Variants in DENND4C observed in about 807,000 individuals in gnomAD.
The protein encoded by DENND4C is DENN domain containing 4C.
Under a neutral mutation model 203.0 loss-of-function variants are expected in DENND4C, and 108 were observed. That is an observed-to-expected ratio of 0.53 (90% CI 0.46 to 0.62). DENND4C has a LOEUF of 0.62. DENND4C is among the 20% of genes least tolerant of loss of function. DENND4C has a pLI of 0.00. For missense variants in DENND4C, 2,481 were observed against 2,301.2 expected (o/e 1.08, Z -1.60); for synonymous variants, 871 against 792.4 (o/e 1.10, Z -1.67).
intron 5 of DENND4C, among the ~76,000 whole-genome samples, chr9:19,294,430 T>C (rs972601483): frequency 6.6e-6 from 1 of 152,172 alleles, no homozygotes; most frequent in African/African-American, 2.4e-5. Flanking sequence ...CCTGTCAACA[T>C]TGCTGATGAG....
At chr9:19,307,433 A>T (rs1381405096) in intron 10 of DENND4C, among the ~76,000 whole-genome samples, 7 of 150,436 alleles carry the variant, frequency 4.7e-5, no homozygotes, top group South Asian at 2.1e-4. Context: ...CCTCCAAATT[A>T]TACAGAATAA....
At position 19,346,277 on chromosome 9, in the gene DENND4C, C is replaced by A. The variant is rs139458624; in HGVS notation, c.3508C>A (p.Pro1170Thr). 2 of 1,614,152 alleles carry A rather than the reference C, an allele frequency of 1.2e-6. No individual in the cohort carries two copies. Among genetic ancestry groups the A allele is most frequent in the Admixed American group, 1.7e-5 (1 of 60,018 alleles). The change falls in exon 23 of 33, where the codon CCT becomes ACT. Residue 1170 changes from proline (P) to threonine (T), a missense_variant. Physicochemically the swap from Pro to Thr is conservative, Grantham distance 38. Transcript: ENST00000434457. ...RTCMSESTWNPEHRSSPVPEM... is the reference protein window; with the variant it reads ...RTCMSESTWNTEHRSSPVPEM... ...TTGTATGTCTGAAAGCACTTGGAAT[C>A]CTGAGCACAGATCATCTCCGGTGCC...
intron 2 of DENND4C, among the ~76,000 whole-genome samples, chr9:19,281,534 G>A (rs1243015656): frequency 6.6e-6 from 1 of 152,016 alleles, no homozygotes; most frequent in Admixed American, 6.5e-5. Flanking sequence ...CTAAACTTTT[G>A]TCTTTTTTAC....
intron 5 of DENND4C, among the ~76,000 whole-genome samples, chr9:19,294,930 C>CT (rs1310479703): frequency 2.0e-5 from 3 of 152,160 alleles, no homozygotes; most frequent in Non-Finnish European, 4.4e-5. Flanking sequence ...GGTTACAGAG[C>CT]TTTTGTTTGG....
Position 19,296,037 on chromosome 9 carries a change from A to C in DENND4C, c.831A>C (p.Glu277Asp). ...KVYGAAIQFY[E>D]PYSRELLSEK... ...ATGGAGCTGCCATTCAGTTTTATGA[A>C]CCTTACTCTCGGGAACTTCTATCAG... The change falls in exon 6 of 33, where the codon GAA (glutamate) becomes GAC (aspartate). Residue 277 changes from glutamate (E) to aspartate (D), a missense_variant. Around this residue, in one of 3 missense-constraint regions of DENND4C, gnomAD observed 2,289 missense variants for 2,113.3 expected, o/e 1.08. Transcript: ENST00000434457. 3 of 1,614,040 alleles carry C rather than the reference A, an allele frequency of 1.9e-6. No homozygotes were observed. Among genetic ancestry groups the C allele is most frequent in the Non-Finnish European group, 2.5e-6 (3 of 1,179,950 alleles).
At chr9:19,233,793 A>G (rs1354768406) in intron 1 of DENND4C, among the ~76,000 whole-genome samples, 3 of 152,094 alleles carry the variant, frequency 2.0e-5, no homozygotes, top group African/African-American at 7.2e-5. Context: ...GGGTTTCACT[A>G]TGTTGGCCAG....
chr9:19,269,601 C>G (rs930301758), intron 1 of DENND4C, among the ~76,000 whole-genome samples: 7 of 152,210 alleles, frequency 4.6e-5, no homozygotes, highest in African/African-American at 1.7e-4. Context: ...GGATTTTAAA[C>G]AATTATTTCA....
chr9:19,354,009 G>T (rs901763979), intron 26 of DENND4C, among the ~76,000 whole-genome samples: 3 of 152,114 alleles, frequency 2.0e-5, no homozygotes, highest in African/African-American at 4.8e-5. Flanking sequence ...CTGTGCAAGG[G>T]CCCTCTCGTG....
At chr9:19,237,013 A>G (rs1452264528) in intron 1 of DENND4C, among the ~76,000 whole-genome samples, 2 of 151,904 alleles carry the variant, frequency 1.3e-5, no homozygotes, top group African/African-American at 4.8e-5. Flanking sequence ...TTGGGCAATT[A>G]TAGGCGATTT....
In DENND4C at chr9:19,346,585, G is replaced by A; in HGVS notation, c.3816G>A (p.Leu1272=). Residue 1272 remains leucine (L), a synonymous_variant, in exon 23 of 33, where the codon TTG becomes TTA. Transcript: ENST00000434457. The part of the protein sequence containing the change: ...GGKTPDSEDK[L]FSPVIARNLA... ...AAACTCCTGATTCTGAAGATAAGTT[G>A]TTTTCTCCAGTTATTGCACGTAATC... 2 of 1,614,126 alleles carry A rather than the reference G, an allele frequency of 1.2e-6. No individual in the cohort carries two copies. Among genetic ancestry groups the A allele is most frequent in the South Asian group, 1.1e-5 (1 of 91,076 alleles).
chr9:19,367,341 A>C (rs1037274987), intron 30 of DENND4C, among the ~76,000 whole-genome samples: 1 of 152,282 alleles, frequency 6.6e-6, no homozygotes, highest in African/African-American at 2.4e-5. Flanking sequence ...GCACTCACGT[A>C]TATACCTAAG....
intron 9 of DENND4C, among the ~76,000 whole-genome samples, chr9:19,304,481 G>A (rs1839245664): frequency 6.6e-6 from 1 of 151,628 alleles, no homozygotes; most frequent in African/African-American, 2.4e-5. Context: ...ACCGTGCCCA[G>A]CCAATTGACA....
At chr9:19,301,574 C>G (rs1250934211) in intron 9 of DENND4C, among the ~76,000 whole-genome samples, 1 of 152,196 alleles carries the variant, frequency 6.6e-6, no homozygotes, top group Non-Finnish European at 1.5e-5. Context: ...CAAGTCATCA[C>G]AGTTGTGTGT....
At chr9:19,277,276 G>A (rs995327375) in intron 2 of DENND4C, among the ~76,000 whole-genome samples, 1 of 152,120 alleles carries the variant, frequency 6.6e-6, no homozygotes, top group African/African-American at 2.4e-5. Flanking sequence ...AGATTAATCT[G>A]CAGAGTATTG....
At chr9:19,314,825 A>G (rs999847561) in intron 10 of DENND4C, among the ~76,000 whole-genome samples, 3 of 152,038 alleles carry the variant, frequency 2.0e-5, no homozygotes, top group African/African-American at 7.2e-5. Context: ...TAAGCAATTC[A>G]CTGACTTAGG....
At chr9:19,339,821 A>G (rs181724149) in intron 20 of DENND4C, among the ~76,000 whole-genome samples, 115 of 152,294 alleles carry the variant, frequency 7.6e-4, no homozygotes, top group South Asian at 4.4e-3. Context: ...TATTTAGAAG[A>G]TGATATTGTA....
chr9:19,364,514 C>A (rs546070082), intron 30 of DENND4C, among the ~76,000 whole-genome samples: 1 of 152,264 alleles, frequency 6.6e-6, no homozygotes, highest in African/African-American at 2.4e-5. Context: ...ATGTCTCTAT[C>A]TAGCACCCTG....
At chr9:19,360,217 T>C in intron 28 of DENND4C, 27 bp from the exon 29 acceptor site, 1 of 1,602,240 alleles carries the variant, frequency 6.2e-7, no homozygotes. Context: ...ACAGATAATA[T>C]TAATTTCTTT....
chr9:19,261,244 A>G (rs1291709933), intron 1 of DENND4C, among the ~76,000 whole-genome samples: 2 of 152,092 alleles, frequency 1.3e-5, no homozygotes, highest in African/African-American at 2.4e-5. Context: ...TGCCACTGAC[A>G]TGCTGTTTGG....
Sources: gnomAD v4.1 joint callset for allele counts (sites outside exome capture counted in the v4.1 genomes callset) on GRCh38, gnomAD v4.1.1 for gene constraint, gnomAD v4.1.1 regional missense constraint, MANE v1.5 for transcripts, NCBI Gene and HGNC (gene_info 2026-07-23, HGNC 2026-07-21) for gene names.